Variants in APCDD1L observed in about 807,000 individuals in gnomAD.
APCDD1L encodes the protein protein APCDD1-like.
Under a neutral mutation model 24.2 loss-of-function variants are expected in APCDD1L, and 21 were observed. The ratio of observed to expected loss-of-function variants is 0.87; its 90% CI spans 0.61 to 1.25. The LOEUF (loss-of-function observed/expected upper bound fraction) is 1.25. Among genes scored for constraint, APCDD1L ranks in the 50% most tolerant of loss-of-function variants. The probability of loss-of-function intolerance (pLI) is 0.00; values close to 1 mark genes in which losing one functional copy is unlikely to be tolerated. For missense variants in APCDD1L, 704 were observed against 711.7 expected (o/e 0.99, Z 0.12); for synonymous variants, 321 against 323.6 (o/e 0.99, Z 0.09).
intron 1 of APCDD1L, among the ~76,000 whole-genome samples, chr20:58,473,605 C>G (rs1989852899): frequency 6.6e-6 from 1 of 152,124 alleles, no homozygotes; most frequent in South Asian, 2.1e-4. Context: ...TGCTTCCCCC[C>G]CCACCCCTTC....
At chr20:58,483,697 C>T (rs538088385) in intron 1 of APCDD1L, among the ~76,000 whole-genome samples, 12 of 152,342 alleles carry the variant, frequency 7.9e-5, no homozygotes, top group Admixed American at 2.6e-4. Flanking sequence ...CTACGGCCCC[C>T]GCTGGCTTGT....
At chr20:58,483,539 A>T (rs1277663092) in intron 1 of APCDD1L, among the ~76,000 whole-genome samples, 2 of 152,160 alleles carry the variant, frequency 1.3e-5, no homozygotes, top group Non-Finnish European at 1.5e-5. Flanking sequence ...TAAGGCACAG[A>T]GGGATAGATT....
At chr20:58,514,418 G>C (rs1268557559) in intron 1 of APCDD1L, among the ~76,000 whole-genome samples, 1 of 152,208 alleles carries the variant, frequency 6.6e-6, no homozygotes, top group Non-Finnish European at 1.5e-5. Context: ...CTGGCGCAGA[G>C]AGTGCAGCGG....
At chr20:58,476,864 C>T (rs1989920603) in intron 1 of APCDD1L, among the ~76,000 whole-genome samples, 1 of 152,190 alleles carries the variant, frequency 6.6e-6, no homozygotes, top group African/African-American at 2.4e-5. Context: ...TGTGCTGTTC[C>T]ATCCTCTGCT....
Position 58,459,177 on chromosome 20 carries a change from T to C in APCDD1L, c.*1613A>G, listed in dbSNP as rs960068691. ...TGGCATGGTTACTTCAAGCTTCGGA[T>C]ACAAGACCTGCTCAGCCGTGGACAT... On this transcript the variant is annotated 3_prime_UTR_variant, in exon 4 of 4. Transcript: ENST00000371149. 6.6e-6 allele frequency: 1 copy of C among 152,234 alleles called. No individual in the cohort carries two copies. Among genetic ancestry groups the C allele is most frequent in the African/African-American group, 2.4e-5 (1 of 41,460 alleles). 9.4% of individuals were successfully genotyped at this position (152,234 alleles called of 1,614,324 possible).
At chr20:58,511,947 C>T (rs140292617) in intron 1 of APCDD1L, among the ~76,000 whole-genome samples, 4 of 152,146 alleles carry the variant, frequency 2.6e-5, no homozygotes, top group Non-Finnish European at 5.9e-5. Context: ...TATGGTTTCT[C>T]ATTTTCCCCC....
intron 1 of APCDD1L, among the ~76,000 whole-genome samples, chr20:58,491,614 T>C (rs1366626841): frequency 1.3e-5 from 2 of 152,200 alleles, no homozygotes; most frequent in South Asian, 2.1e-4. Flanking sequence ...AAGTGAGATA[T>C]ATTCAAGGAT....
At chr20:58,487,156 C>A (rs1329187420) in intron 1 of APCDD1L, among the ~76,000 whole-genome samples, 3 of 151,654 alleles carry the variant, frequency 2.0e-5, no homozygotes, top group Non-Finnish European at 4.4e-5. Context: ...TAAAATGATA[C>A]CCTCTAATTT....
At chr20:58,502,726 CAAAA>C (rs56192014) in intron 1 of APCDD1L, among the ~76,000 whole-genome samples, 1 of 99,764 alleles carries the variant, frequency 1.0e-5, no homozygotes. Flanking sequence ...TTAAGCAGAA[CAAAA>C]AAAAAAAAAA....
intron 2 of APCDD1L, among the ~76,000 whole-genome samples, chr20:58,468,708 C>T (rs1989761885): frequency 6.6e-6 from 1 of 152,154 alleles, no homozygotes; most frequent in Non-Finnish European, 1.5e-5. Flanking sequence ...GCTGCAATTA[C>T]AGGCATGTGC....
intron 1 of APCDD1L, among the ~76,000 whole-genome samples, chr20:58,480,345 T>G (rs1035212389): frequency 1.1e-4 from 16 of 152,062 alleles, no homozygotes; most frequent in Non-Finnish European, 2.1e-4. Flanking sequence ...AGAGCAGGTC[T>G]GAGGATGTGA....
chr20:58,506,806 G>A (rs1990534815), intron 1 of APCDD1L, among the ~76,000 whole-genome samples: 1 of 152,212 alleles, frequency 6.6e-6, no homozygotes, highest in Non-Finnish European at 1.5e-5. Flanking sequence ...ATGCCTCAGA[G>A]TGTGTGTGTC....
In APCDD1L at chr20:58,497,714, C is replaced by T. The variant is rs981217373; in HGVS notation, c.49+16945G>A. ...GACCCTGTCTCTAAATGAGGTCACA[C>T]ATGCTGAGGCCCTGGGGGTCAGGAC... On this transcript the variant is annotated intron_variant, in intron 1 of 3. Transcript: ENST00000371149. The surrounding 1 kb of genome is among the most constrained non-coding windows in gnomAD (Gnocchi z 4.3). Among the ~76,000 whole-genome samples, 4 of 152,170 alleles carry T rather than the reference C, an allele frequency of 2.6e-5. No individual in the cohort carries two copies. Among genetic ancestry groups the T allele is most frequent in the Admixed American group, 2.6e-4 (4 of 15,286 alleles).
At chr20:58,483,122 G>C (rs934051138) in intron 1 of APCDD1L, among the ~76,000 whole-genome samples, 8 of 152,204 alleles carry the variant, frequency 5.3e-5, no homozygotes, top group African/African-American at 1.7e-4. Flanking sequence ...GATGGAGAGA[G>C]CTGTAATGGG....
intron 1 of APCDD1L, among the ~76,000 whole-genome samples, chr20:58,512,306 G>A (rs6092648): frequency 3.9e-5 from 6 of 152,192 alleles, no homozygotes; most frequent in East Asian, 1.9e-4. Flanking sequence ...TGACGGATTC[G>A]TCTGAAAAAC....
chr20:58,470,847 G>A (rs1413041333), intron 1 of APCDD1L, 100 bp from the exon 2 acceptor site: 2 of 1,441,010 alleles, frequency 1.4e-6, no homozygotes, highest in Non-Finnish European at 1.8e-6. Flanking sequence ...AGCCAGGCAG[G>A]GCTGTCCCGC....
chr20:58,490,084 T>G (rs1184927428), intron 1 of APCDD1L, among the ~76,000 whole-genome samples: 1 of 152,180 alleles, frequency 6.6e-6, no homozygotes, highest in Non-Finnish European at 1.5e-5. Flanking sequence ...ATGACAAAGA[T>G]TTCATATTTT....
In APCDD1L at chr20:58,494,033, G is replaced by T. The variant is rs1990273019; in HGVS notation, c.49+20626C>A. ...TACAATAAAGTGAGCTAGAGAAAAG[G>T]TTATTGACAAAATCATAAGGAAGAG... On this transcript the variant is annotated intron_variant, in intron 1 of 3. Transcript: ENST00000371149. The surrounding 1 kb of genome is among the most constrained non-coding windows in gnomAD (Gnocchi z 4.8). 6.6e-6 allele frequency among the ~76,000 whole-genome samples: 1 copy of T among 152,166 alleles called. No homozygotes were observed. The highest frequency in any genetic ancestry group is 6.5e-5 in the Admixed American group (1 of 15,280).
Position 58,467,688 on chromosome 20 carries a change from G to T in APCDD1L, c.189-30C>A. The T allele has an allele frequency of 6.9e-7, 1 of 1,453,376 alleles. No individual in the cohort carries two copies. The allele number at this position is 1,453,376 out of a possible 1,614,324, so 90.0% of individuals were successfully genotyped here. A position where few individuals can be genotyped will look rare whatever the true frequency, so the allele number is the denominator to read the frequency against. ...AGGGGTGGAAGGAGATGGGCTGGGTGCAGAGGGAACACCGCGCCGCGAGCC... is the reference window on the plus strand; with the variant it reads ...AGGGGTGGAAGGAGATGGGCTGGGTTCAGAGGGAACACCGCGCCGCGAGCC... On this transcript the variant is annotated intron_variant, in intron 2 of 3. Transcript: ENST00000371149. This position sits in a 1 kb window ranked among gnomAD's most constrained non-coding sequence, Gnocchi z 5.9.
Sources: allele counts gnomAD v4.1 joint callset (sites outside exome capture counted in the v4.1 genomes callset), GRCh38; gene constraint gnomAD v4.1.1; non-coding constraint Gnocchi (gnomAD v3.1); transcripts MANE v1.5; gene names NCBI Gene and HGNC (gene_info 2026-07-23, HGNC 2026-07-21).